Variants in PDE5A observed in about 807,000 individuals in gnomAD.
The protein encoded by PDE5A is phosphodiesterase 5A.
In PDE5A, 67 loss-of-function variants were observed where a neutral mutation model predicts 110.2. The observed-to-expected ratio is 0.61, with a 90% CI of 0.50 to 0.75. The LOEUF (loss-of-function observed/expected upper bound fraction) is 0.75, where lower values mean the gene tolerates loss of function less well. PDE5A is among the 30% of genes least tolerant of loss of function. The probability of loss-of-function intolerance (pLI) is 0.00; values close to 1 mark genes in which losing one functional copy is unlikely to be tolerated. For synonymous variants in PDE5A, 328 were observed against 351.2 expected (o/e 0.93, Z 0.74); for missense variants, 862 against 1,045.1 (o/e 0.82, Z 2.42).
At chr4:119,588,124 T>C (rs66887589) in intron 3 of PDE5A, among the ~76,000 whole-genome samples, 71,419 of 151,706 alleles carry the variant, frequency 0.47, 17,114 homozygotes, top group South Asian at 0.63. Flanking sequence ...TCACCTTATA[T>C]AGATATTTAA....
intron 1 of PDE5A, among the ~76,000 whole-genome samples, chr4:119,626,993 A>C (rs971306828): frequency 2.6e-5 from 4 of 152,182 alleles, no homozygotes; most frequent in Non-Finnish European, 4.4e-5. Flanking sequence ...CATCTGCAAG[A>C]GAGCAAAGAA....
rs1578821460 is a variant in PDE5A at position 119,606,847 on chromosome 4, G to T, written c.603C>A (p.Ile201=). 6.2e-7 allele frequency: 1 copy of T among 1,614,194 alleles called. No individual in the cohort carries two copies. The highest frequency in any genetic ancestry group is 2.2e-5 in the East Asian group (1 of 44,888). ...CEDSSNDKFL[I]SRLFDVAEGS... ...CTTCAGCAACATCAAAGAGGCGGCT[G>T]ATAAGAAACTTGTCATTGGAGCTGT... Residue 201 remains isoleucine (I), a synonymous_variant, in exon 2 of 21, where the codon ATC becomes ATA. Transcript: ENST00000354960.
At chr4:119,508,969 T>C (rs1197623864) in intron 15 of PDE5A, among the ~76,000 whole-genome samples, 3 of 152,022 alleles carry the variant, frequency 2.0e-5, no homozygotes, top group Admixed American at 2.0e-4. Flanking sequence ...ATAGGAATAC[T>C]GTAAAATATG....
intron 3 of PDE5A, among the ~76,000 whole-genome samples, chr4:119,586,477 A>G (rs866622530): frequency 1.1e-4 from 16 of 152,352 alleles, no homozygotes; most frequent in South Asian, 6.2e-4. Context: ...ATGGAATCTT[A>G]GACATTAATG....
At chr4:119,600,613 A>G (rs1729312207) in intron 2 of PDE5A, among the ~76,000 whole-genome samples, 1 of 152,196 alleles carries the variant, frequency 6.6e-6, no homozygotes, top group African/African-American at 2.4e-5. Flanking sequence ...ACATAACAAA[A>G]AGGACTCAGC....
At chr4:119,582,218 C>T (rs1219412093) in intron 3 of PDE5A, among the ~76,000 whole-genome samples, 1 of 152,184 alleles carries the variant, frequency 6.6e-6, no homozygotes, top group Non-Finnish European at 1.5e-5. Flanking sequence ...ATTCTAAATC[C>T]TTTGCTGTCT....
Position 119,545,943 on chromosome 4 carries a change from T to C in PDE5A, c.1397-3309A>G, listed in dbSNP as rs567186787. Among the ~76,000 whole-genome samples the C allele has an allele frequency of 1.8e-4, 27 of 152,328 alleles. 1 individual carries two copies. Among genetic ancestry groups the C allele is most frequent in the Non-Finnish European group, 3.4e-4 (23 of 68,024 alleles). ...TCAATCATCTTAATTTGGAGAGGCT[T>C]TTGCTGTATAAAAGATTTAATTTTT... On this transcript the variant is annotated intron_variant, in intron 9 of 20. Coordinates refer to ENST00000354960, the MANE Select transcript of PDE5A (RefSeq NM_001083.4).
chr4:119,612,736 T>C (rs1729799965), intron 1 of PDE5A, among the ~76,000 whole-genome samples: 1 of 152,226 alleles, frequency 6.6e-6, no homozygotes, highest in South Asian at 2.1e-4. Flanking sequence ...TCCACCAGAA[T>C]CTGCTGGTGC....
chr4:119,537,133 C>T (rs534360863), intron 11 of PDE5A, among the ~76,000 whole-genome samples: 21 of 152,196 alleles, frequency 1.4e-4, no homozygotes, highest in Non-Finnish European at 2.8e-4. Flanking sequence ...CCTGTGCCTC[C>T]GCCTTTGCCT....
At chr4:119,557,794 C>T (rs1311449883) in intron 7 of PDE5A, among the ~76,000 whole-genome samples, 1 of 152,166 alleles carries the variant, frequency 6.6e-6, no homozygotes, top group East Asian at 1.9e-4. Context: ...TAAATACTTA[C>T]ATTTAAATAC....
rs766025841 is a variant in PDE5A, at chr4:119,519,089, G to A, written c.1956C>T (p.Ser652=). The change falls in exon 14 of 21, where the codon AGC becomes AGT. Residue 652 remains serine, a synonymous_variant. Coordinates refer to ENST00000354960, the MANE Select transcript of PDE5A (RefSeq NM_001083.4). ...TCACACCACGGTGATCCAAATCGTG[G>A]CTTAGTGCAGCAATCAGCAATGCAA... ...EILALLIAAL[S]HDLDHRGVNN... is the part of the protein sequence containing the mutation. The A allele has an allele frequency of 6.2e-7, 1 of 1,613,810 alleles. No individual in the cohort carries two copies. Among genetic ancestry groups the A allele is most frequent in the Admixed American group, 1.7e-5 (1 of 60,004 alleles).
intron 13 of PDE5A, 193 bp from the exon 14 acceptor site, chr4:119,519,332 C>T (rs1208290294): frequency 2.0e-6 from 1 of 498,646 alleles, no homozygotes; most frequent in African/African-American, 1.9e-5. Flanking sequence ...AGAATGGGAT[C>T]ACCACAAATG....
chr4:119,576,116 C>A (rs1728333336), intron 3 of PDE5A, among the ~76,000 whole-genome samples: 1 of 147,322 alleles, frequency 6.8e-6, no homozygotes, highest in African/African-American at 2.5e-5. Context: ...GTAAAGGGAT[C>A]AATTCAACAA....
intron 8 of PDE5A, 74 bp from the exon 9 acceptor site, chr4:119,552,711 C>G: frequency 2.8e-6 from 2 of 716,670 alleles, no homozygotes; most frequent in Non-Finnish European, 4.5e-6. Flanking sequence ...GCCATATAAA[C>G]TATATGACAC....
chr4:119,599,200 G>C (rs1478521324), intron 2 of PDE5A, among the ~76,000 whole-genome samples: 1 of 152,136 alleles, frequency 6.6e-6, no homozygotes, highest in Non-Finnish European at 1.5e-5. Flanking sequence ...TTTACTGCCT[G>C]CCCGAACAAA....
chr4:119,553,691 T>C lies in PDE5A; in HGVS notation c.1255A>G (p.Met419Val). 3.7e-6 allele frequency: 6 copies of C among 1,602,222 alleles called. No homozygotes were observed. The highest frequency in any genetic ancestry group is 1.7e-5 in the Admixed American group (1 of 59,898). ...YMYAQYVKNT[M>V]EPLNIPDVSK... Reference sequence around the variant, plus strand: ...ACATCTGGGATATTAAGTGGTTCCATAGTATTTTTGACATACTGAGCATAC... The same window carrying C: ...ACATCTGGGATATTAAGTGGTTCCACAGTATTTTTGACATACTGAGCATAC... The change falls in exon 8 of 21, where the codon ATG becomes GTG. Residue 419 changes from methionine to valine, a missense_variant. Physicochemically the swap from Met to Val is conservative, Grantham distance 21 (BLOSUM62 1). Transcript: ENST00000354960.
At chr4:119,537,506 CCTT>C (rs1041496864) in intron 11 of PDE5A, among the ~76,000 whole-genome samples, 1 of 152,080 alleles carries the variant, frequency 6.6e-6, no homozygotes, top group Non-Finnish European at 1.5e-5. Flanking sequence ...AAATCTTCCT[CCTT>C]GTTTAACTAC....
chr4:119,552,393 A>T (rs767388450), intron 9 of PDE5A, 157 bp downstream of exon 9: 19 of 413,828 alleles, frequency 4.6e-5, no homozygotes, highest in Non-Finnish European at 7.4e-5. Context: ...TATTTAACAA[A>T]TGTCTGTTGG....
Position 119,496,789 on chromosome 4 carries a change from A to G in PDE5A, c.*1812T>C, listed in dbSNP as rs1405003080. The G allele has an allele frequency of 6.6e-6, 1 of 152,574 alleles. No individual in the cohort carries two copies. The highest frequency in any genetic ancestry group is 1.5e-5 in the Non-Finnish European group (1 of 67,992). 9.5% of individuals were successfully genotyped at this position (152,574 alleles called of 1,614,324 possible). On this transcript the variant is annotated 3_prime_UTR_variant, in exon 21 of 21. Coordinates refer to ENST00000354960, the MANE Select transcript of PDE5A (RefSeq NM_001083.4). ...TGTATTTTACACACCAGTGCCACAAAGGGGCAACCTTACAAATTTTATCTG... is the reference window on the plus strand; with the variant it reads ...TGTATTTTACACACCAGTGCCACAAGGGGGCAACCTTACAAATTTTATCTG...
Sources: gnomAD v4.1 joint callset for allele counts (sites outside exome capture counted in the v4.1 genomes callset) on GRCh38, gnomAD v4.1.1 for gene constraint, MANE v1.5 for transcripts, NCBI Gene and HGNC (gene_info 2026-07-23, HGNC 2026-07-21) for gene names.